Variants in PDE4B observed in about 807,000 individuals in gnomAD.
The protein encoded by PDE4B is 3',5'-cyclic-AMP phosphodiesterase 4B.
A neutral mutation model predicts 82.2 loss-of-function variants in PDE4B; 20 were observed. The observed-to-expected ratio is 0.24, with a 90% CI of 0.17 to 0.35. The LOEUF (loss-of-function observed/expected upper bound fraction) is 0.35. Among genes scored for constraint, PDE4B ranks in the 10% least tolerant of loss-of-function variants. PDE4B has a pLI of 1.00. For missense variants in PDE4B, 655 were observed against 907.2 expected, an observed-to-expected ratio of 0.72 and a Z score of 3.57; for synonymous variants, 320 against 318.9, an observed-to-expected ratio of 1.00 and a Z score of -0.04.
At chr1:66,076,088 A>G (rs1656422532) in intron 3 of PDE4B, among the ~76,000 whole-genome samples, 1 of 151,554 alleles carries the variant, frequency 6.6e-6, no homozygotes, top group South Asian at 2.1e-4. Flanking sequence ...TTATCTGGGT[A>G]TACTGCGTGA....
chr1:66,081,313 G>A (rs913799132), intron 3 of PDE4B, among the ~76,000 whole-genome samples: 2 of 152,044 alleles, frequency 1.3e-5, no homozygotes, highest in Non-Finnish European at 2.9e-5. Context: ...TTCAGTGCTA[G>A]GTCCTCTTCA....
intron 3 of PDE4B, among the ~76,000 whole-genome samples, chr1:65,920,650 A>G (rs1647219256): frequency 6.6e-6 from 1 of 152,212 alleles, no homozygotes; most frequent in African/African-American, 2.4e-5. Context: ...TTTGCTTAGT[A>G]AAATGCATAT....
chr1:65,808,325 C>T (rs1645780126), intron 1 of PDE4B, among the ~76,000 whole-genome samples: 2 of 152,048 alleles, frequency 1.3e-5, no homozygotes, highest in South Asian at 4.1e-4. Context: ...GCATGCACCA[C>T]CACACCTGGC....
chr1:66,159,245 CTTTT>C (rs34101261), intron 3 of PDE4B, among the ~76,000 whole-genome samples: 13 of 139,820 alleles, frequency 9.3e-5, no homozygotes, highest in Middle Eastern at 7.5e-3. Context: ...TAAAATAAAA[CTTTT>C]TTTTTTTTTT....
intron 3 of PDE4B, among the ~76,000 whole-genome samples, chr1:66,080,960 G>A (rs888856728): frequency 1.3e-5 from 2 of 152,056 alleles, no homozygotes; most frequent in Non-Finnish European, 2.9e-5. Context: ...ATGTCCATGT[G>A]TATCCAATAT....
At chr1:66,002,393 C>T (rs762401654) in intron 3 of PDE4B, among the ~76,000 whole-genome samples, 14 of 151,770 alleles carry the variant, frequency 9.2e-5, no homozygotes, top group East Asian at 1.9e-4. Flanking sequence ...TTTGTAGCAC[C>T]GGTTTAAAAA....
rs145017640 is a variant in PDE4B at position 66,169,379 on chromosome 1, C to A, written c.282-78081C>A. On this transcript the variant is annotated intron_variant, in intron 3 of 16. Coordinates refer to ENST00000341517, the MANE Select transcript of PDE4B (RefSeq NM_002600.4). ...TTAGAGCAGTCAGGGGAGTTGGCAC[C>A]AAATCTGAAAGTTGAATTCATTATT... Among the ~76,000 whole-genome samples, 1,049 of 152,250 alleles carry A rather than the reference C, an allele frequency of 6.9e-3. 10 individuals carry two copies. Among genetic ancestry groups the A allele is most frequent in the African/African-American group, 0.024 (984 of 41,540 alleles).
At chr1:66,184,812 T>A (rs1351711840) in intron 3 of PDE4B, among the ~76,000 whole-genome samples, 1 of 151,584 alleles carries the variant, frequency 6.6e-6, no homozygotes, top group Non-Finnish European at 1.5e-5. Flanking sequence ...TTTTTTTTTT[T>A]AACTCTTTAA....
chr1:65,936,667 A>G (rs1648164192), intron 3 of PDE4B, among the ~76,000 whole-genome samples: 1 of 152,164 alleles, frequency 6.6e-6, no homozygotes, highest in African/African-American at 2.4e-5. Flanking sequence ...TTGTGTGTCT[A>G]ACAAGTCTCC....
chr1:65,816,287 A>T (rs985212133), intron 1 of PDE4B, among the ~76,000 whole-genome samples: 7 of 151,254 alleles, frequency 4.6e-5, no homozygotes, highest in African/African-American at 1.5e-4. Context: ...ACAATTAATT[A>T]TCTCAACCCT....
chr1:65,927,667 C>G (rs181993355), intron 3 of PDE4B, among the ~76,000 whole-genome samples: 7 of 151,978 alleles, frequency 4.6e-5, no homozygotes, highest in African/African-American at 1.7e-4. Flanking sequence ...GGAATAACCA[C>G]TCGTGCTTCT....
At chr1:66,107,221 G>T (rs1157555858) in intron 3 of PDE4B, among the ~76,000 whole-genome samples, 1 of 151,966 alleles carries the variant, frequency 6.6e-6, no homozygotes, top group Non-Finnish European at 1.5e-5. Flanking sequence ...GGAGCAGTTT[G>T]TTCAGTTTCC....
Position 65,870,871 on chromosome 1 carries a change from T to C in PDE4B, c.-70-42374T>C, listed in dbSNP as rs562221061. 3.9e-5 allele frequency among the ~76,000 whole-genome samples: 6 copies of C among 152,298 alleles called. No homozygotes were observed. In the South Asian group the frequency reaches 1.2e-3, roughly 32 times the overall value. On this transcript the variant is annotated intron_variant, in intron 1 of 16. Transcript: ENST00000341517. ...TGACTTAGGTAGGTCCAGGTAATAT[T>C]AGTAGTAATTTTAATGGTCTAAAAG... is the stretch of plus-strand genomic sequence containing the variant.
At chr1:66,060,542 T>C (rs1458942257) in intron 3 of PDE4B, among the ~76,000 whole-genome samples, 3 of 152,210 alleles carry the variant, frequency 2.0e-5, no homozygotes, top group South Asian at 4.1e-4. Flanking sequence ...TAGTATAAGA[T>C]GAAAACATTT....
At chr1:66,325,503 T>C (rs1442909915) in intron 7 of PDE4B, among the ~76,000 whole-genome samples, 3 of 152,198 alleles carry the variant, frequency 2.0e-5, no homozygotes, top group Non-Finnish European at 2.9e-5. Flanking sequence ...ACAACTTCCC[T>C]ATACAATTCT....
chr1:66,102,657 G>A (rs1265427748), intron 3 of PDE4B, among the ~76,000 whole-genome samples: 1 of 151,858 alleles, frequency 6.6e-6, no homozygotes, highest in African/African-American at 2.4e-5. Context: ...ATTTAATACA[G>A]GAAACAAATA....
intron 3 of PDE4B, among the ~76,000 whole-genome samples, chr1:66,052,022 A>G (rs1366782344): frequency 6.6e-6 from 1 of 151,902 alleles, no homozygotes; most frequent in Non-Finnish European, 1.5e-5. Flanking sequence ...TGGGGCCTGC[A>G]TTGAAGCTCA....
chr1:65,965,696 C>G (rs891579262), intron 3 of PDE4B, among the ~76,000 whole-genome samples: 2 of 152,014 alleles, frequency 1.3e-5, no homozygotes, highest in Non-Finnish European at 1.5e-5. Flanking sequence ...CAACTTTTGC[C>G]ACTAGTGCTT....
intron 7 of PDE4B, among the ~76,000 whole-genome samples, chr1:66,275,522 G>T (rs1329569842): frequency 6.6e-6 from 1 of 152,184 alleles, no homozygotes; most frequent in Non-Finnish European, 1.5e-5. Flanking sequence ...TTATTGGAAG[G>T]GAGGGAGATA....
Sources: gnomAD v4.1 joint callset for allele counts (sites outside exome capture counted in the v4.1 genomes callset) on GRCh38, gnomAD v4.1.1 for gene constraint, MANE v1.5 for transcripts, NCBI Gene and HGNC (gene_info 2026-07-23, HGNC 2026-07-21) for gene names.